Variants in JAG1 observed in about 807,000 individuals in gnomAD.
The protein encoded by JAG1 is protein jagged-1.
JAG1 carries 23 observed loss-of-function variants against 148.7 expected under a neutral mutation model. The ratio of observed to expected loss-of-function variants is 0.15; its 90% CI spans 0.11 to 0.22. The LOEUF (loss-of-function observed/expected upper bound fraction) is 0.22. Ranked by LOEUF, JAG1 falls within the 10% of genes least tolerant of loss-of-function variation. JAG1 has a pLI of 1.00. For missense variants in JAG1, 1,054 were observed against 1,611.2 expected (o/e 0.65, Z 5.92); for synonymous variants, 572 against 598.3 (o/e 0.96, Z 0.64).
chr20:10,645,572 T>G lies in JAG1; in HGVS notation c.2000-103A>C. 2.2e-6 allele frequency: 2 copies of G among 891,248 alleles called. No homozygotes were observed. The highest frequency in any genetic ancestry group is 3.7e-6 in the Non-Finnish European group (2 of 541,322). The allele number at this position is 891,248 out of a possible 1,614,324, so 55.2% of individuals were successfully genotyped here. A position where few individuals can be genotyped will look rare whatever the true frequency, so the allele number is the denominator to read the frequency against. Reference sequence around the variant, plus strand: ...ACTGCTTACATCCAACATCCTATTCTGAGAACAGCCACAGTCGTAGTACTT... The same window carrying G: ...ACTGCTTACATCCAACATCCTATTCGGAGAACAGCCACAGTCGTAGTACTT... On this transcript the variant is annotated intron_variant, in intron 15 of 25. Coordinates refer to ENST00000254958, the MANE Select transcript of JAG1 (RefSeq NM_000214.3). This position sits in a 1 kb window ranked among gnomAD's most constrained non-coding sequence, Gnocchi z 6.1.
intron 3 of JAG1, among the ~76,000 whole-genome samples, chr20:10,661,238 C>A (rs965881357): frequency 1.3e-5 from 2 of 152,150 alleles, no homozygotes; most frequent in Non-Finnish European, 2.9e-5. Flanking sequence ...TGAGGGCTCA[C>A]TGCAGAGCTG....
At chr20:10,657,847 T>C (rs2067388753) in intron 4 of JAG1, among the ~76,000 whole-genome samples, 1 of 152,138 alleles carries the variant, frequency 6.6e-6, no homozygotes, top group Non-Finnish European at 1.5e-5. Context: ...TAGTGAAAAC[T>C]TGCTGCAAGG....
chr20:10,667,692 T>A (rs1423795670), intron 2 of JAG1, among the ~76,000 whole-genome samples: 1 of 152,042 alleles, frequency 6.6e-6, no homozygotes, highest in Non-Finnish European at 1.5e-5. Flanking sequence ...AAAGGGTGAT[T>A]TTCTCATCAA....
rs373759023 is a variant in JAG1 at position 10,641,161 on chromosome 20, G to C, written c.3000C>G (p.Ile1000Met). ...TCGCTGAAGGGGAAGGCTCGCAAGCGATGTAGATTGAATATTCAGCGGAAA... is the reference window on the plus strand; with the variant it reads ...TCGCTGAAGGGGAAGGCTCGCAAGCCATGTAGATTGAATATTCAGCGGAAA... ...KNVSAEYSIYIACEPSPSANN... is the reference protein window; with the variant it reads ...KNVSAEYSIYMACEPSPSANN... The change falls in exon 24 of 26, where the codon ATC becomes ATG. Residue 1000 changes from isoleucine (I) to methionine (M), a missense_variant. Ile to Met is a conservative substitution (Grantham distance 10). Coordinates refer to ENST00000254958, the MANE Select transcript of JAG1 (RefSeq NM_000214.3). The C allele has an allele frequency of 1.9e-6, 3 of 1,613,870 alleles. No individual in the cohort carries two copies. The African/African-American group carries it at 4.0e-5, about 22-fold the overall frequency.
At chr20:10,658,321 A>G in intron 4 of JAG1, 147 bp downstream of exon 4, 4 of 1,006,358 alleles carry the variant, frequency 4.0e-6, no homozygotes, top group Non-Finnish European at 6.1e-6. Context: ...CATCTTCTAC[A>G]CTCCGCATCT....
intron 4 of JAG1, among the ~76,000 whole-genome samples, chr20:10,657,450 T>G (rs950751444): frequency 6.6e-6 from 1 of 152,204 alleles, no homozygotes; most frequent in African/African-American, 2.4e-5. Context: ...CCCTTTTCAT[T>G]TGAATTCCAG....
intron 3 of JAG1, among the ~76,000 whole-genome samples, chr20:10,661,382 C>T (rs571513052): frequency 6.6e-6 from 1 of 152,176 alleles, no homozygotes; most frequent in Non-Finnish European, 1.5e-5. Flanking sequence ...TCAGCTTCTG[C>T]CCTGTGGAGT....
intron 14 of JAG1, 69 bp downstream of exon 14, chr20:10,646,870 C>CCAGGGGCAGAGGCAGGGG: frequency 6.8e-7 from 1 of 1,463,546 alleles, no homozygotes; most frequent in Non-Finnish European, 9.6e-7. Context: ...CCAGGGTGGG[C>CCAGGGGCAGAGGCAGGGG]CAGGGGCAGA....
In JAG1 at chr20:10,639,439, C is replaced by T; in HGVS notation, c.*59G>A. 7.0e-7 allele frequency: 1 copy of T among 1,438,406 alleles called. No homozygotes were observed. The highest frequency in any genetic ancestry group is 9.8e-7 in the Non-Finnish European group (1 of 1,019,630). 89.1% of individuals were successfully genotyped at this position (1,438,406 alleles called of 1,614,324 possible). On this transcript the variant is annotated 3_prime_UTR_variant, in exon 26 of 26. Coordinates refer to ENST00000254958, the MANE Select transcript of JAG1 (RefSeq NM_000214.3). ...GGCCTCAGACTCGAGTATGACACGA[C>T]AGTTTAAAGAACTACAAGCCCTCAG...
chr20:10,642,937 A>G (rs564696398), intron 20 of JAG1, among the ~76,000 whole-genome samples: 7 of 152,358 alleles, frequency 4.6e-5, no homozygotes, highest in Admixed American at 4.6e-4. Flanking sequence ...TGTGGGGTAT[A>G]TAGTCTCTGT....
chr20:10,644,818 C>G, intron 18 of JAG1, 45 bp downstream of exon 18: 1 of 1,373,338 alleles, frequency 7.3e-7, no homozygotes, highest in Non-Finnish European at 1.0e-6. Flanking sequence ...GTGTCAGGAT[C>G]TGCTCCGACA....
In JAG1 at chr20:10,645,912, TG is replaced by T. The variant is rs1600182038; in HGVS notation, c.1999+58del. The T allele has an allele frequency of 8.6e-7, 1 of 1,167,608 alleles. No homozygotes were observed. Among genetic ancestry groups the T allele is most frequent in the East Asian group, 2.3e-5 (1 of 42,762 alleles). The allele number at this position is 1,167,608 out of a possible 1,614,324, so 72.3% of individuals were successfully genotyped here. ...CAAAGAAAGTTTTCCCACGTTGAAG[TG>T]GGATCCCTCCAACATGACCCATACA... is the stretch of plus-strand genomic sequence containing the variant. On this transcript the variant is annotated intron_variant, in intron 15 of 25. Coordinates refer to ENST00000254958, the MANE Select transcript of JAG1 (RefSeq NM_000214.3). The surrounding 1 kb of genome is among the most constrained non-coding windows in gnomAD (Gnocchi z 6.1).
At position 10,658,380 on chromosome 20, in the gene JAG1, T is replaced by C. The variant is rs2067392195; in HGVS notation, c.694+88A>G. The C allele has an allele frequency of 5.1e-6, 8 of 1,555,364 alleles. No homozygotes were observed. In the South Asian group the frequency reaches 6.7e-5, roughly 13 times the overall value. ...AGCCAAAATCCCACCCCACCTGAGA[T>C]AGCCGCATGCCACCTGCCTGCTGGT... On this transcript the variant is annotated intron_variant, in intron 4 of 25. Coordinates refer to ENST00000254958, the MANE Select transcript of JAG1 (RefSeq NM_000214.3).
intron 5 of JAG1, among the ~76,000 whole-genome samples, chr20:10,654,849 T>C (rs1183536702): frequency 6.6e-6 from 1 of 152,182 alleles, no homozygotes; most frequent in Non-Finnish European, 1.5e-5. Context: ...CTCCCCTGTA[T>C]AGCTGTATGT....
At position 10,644,984 on chromosome 20, in the gene JAG1, A is replaced by G; in HGVS notation, c.2228-5T>C. On this transcript the variant is annotated splice_region_variant and splice_polypyrimidine_tract_variant and intron_variant, in intron 17 of 25. Coordinates refer to ENST00000254958, the MANE Select transcript of JAG1 (RefSeq NM_000214.3). ...GCAGGCAGCTACTGTTTCGGGCTAT[A>G]AAAGAAGAGCAGACACGACCACCCT... 6.2e-7 allele frequency: 1 copy of G among 1,610,738 alleles called. No homozygotes were observed. Among genetic ancestry groups the G allele is most frequent in the Non-Finnish European group, 8.5e-7 (1 of 1,177,354 alleles).
At chr20:10,659,644 T>C (rs1278935940) in intron 3 of JAG1, among the ~76,000 whole-genome samples, 1 of 148,678 alleles carries the variant, frequency 6.7e-6, no homozygotes. Flanking sequence ...GACCTTGAAC[T>C]TGATGCATTC....
At position 10,639,432 on chromosome 20, in the gene JAG1, G is replaced by C. The variant is rs2067254560; in HGVS notation, c.*66C>G. ...CAGCAACGGCCTCAGACTCGAGTAT[G>C]ACACGACAGTTTAAAGAACTACAAG... is the stretch of plus-strand genomic sequence containing the variant. On this transcript the variant is annotated 3_prime_UTR_variant, in exon 26 of 26. Coordinates refer to ENST00000254958, the MANE Select transcript of JAG1 (RefSeq NM_000214.3). 7.1e-7 allele frequency: 1 copy of C among 1,398,798 alleles called. No individual in the cohort carries two copies. The highest frequency in any genetic ancestry group is 1.4e-5 in the African/African-American group (1 of 70,852). The allele number at this position is 1,398,798 out of a possible 1,614,324, so 86.6% of individuals were successfully genotyped here.
intron 8 of JAG1, 62 bp downstream of exon 8, chr20:10,651,519 C>T (rs959431328): frequency 8.9e-7 from 1 of 1,127,736 alleles, no homozygotes; most frequent in Non-Finnish European, 1.3e-6. Context: ...GGTACCTCTC[C>T]CCAGCGTGGT....
intron 18 of JAG1, 64 bp downstream of exon 18, chr20:10,644,799 T>C: frequency 8.7e-7 from 1 of 1,145,422 alleles, no homozygotes; most frequent in Non-Finnish European, 1.3e-6. Context: ...CCATTGCAAG[T>C]CCCCAAGGGT....
Sources: allele counts gnomAD v4.1 joint callset (sites outside exome capture counted in the v4.1 genomes callset), GRCh38; gene constraint gnomAD v4.1.1; non-coding constraint Gnocchi (gnomAD v3.1); transcripts MANE v1.5; gene names NCBI Gene and HGNC (gene_info 2026-07-23, HGNC 2026-07-21).